The following AAGAB variants were observed in gnomAD, a reference collection of about 807,000 sequenced individuals.
AAGAB encodes the protein alpha and gamma adaptin binding protein.
AAGAB carries 38 observed loss-of-function variants against 44.1 expected under a neutral mutation model. The observed-to-expected ratio is 0.86, with a 90% confidence interval of 0.67 to 1.13. AAGAB has a LOEUF of 1.13. Among genes scored for constraint, AAGAB ranks in the 50% most tolerant of loss-of-function variants. AAGAB has a pLI of 0.00. For synonymous variants in AAGAB, 131 were observed against 131.8 expected, an observed-to-expected ratio of 0.99 and a Z score of 0.04; for missense variants, 450 against 373.8, an observed-to-expected ratio of 1.20 and a Z score of -1.68.
At chr15:67,218,784 G>T (rs1177971559) in intron 5 of AAGAB, among the ~76,000 whole-genome samples, 1 of 152,200 alleles carries the variant, frequency 6.6e-6, no homozygotes, top group Admixed American at 6.5e-5. Context: ...CCAAATGGAT[G>T]ATTTCCACAG....
Position 67,202,793 on chromosome 15 carries a change from T to C in AAGAB, c.*28A>G. 6.2e-7 allele frequency: 1 copy of C among 1,608,750 alleles called. No homozygotes were observed. The highest frequency in any genetic ancestry group is 8.5e-7 in the Non-Finnish European group (1 of 1,175,128). On this transcript the variant is annotated 3_prime_UTR_variant, in exon 10 of 10. Transcript: ENST00000261880. ...GGTATCTCAGAGACAGCTAGCATCTTTGTTGGTCAAACCCTAGTATGAATA... is the reference window on the plus strand; with the variant it reads ...GGTATCTCAGAGACAGCTAGCATCTCTGTTGGTCAAACCCTAGTATGAATA...
At chr15:67,222,242 GCACACACACACACACACACACA>G (rs370826027) in intron 5 of AAGAB, among the ~76,000 whole-genome samples, 69 of 90,128 alleles carry the variant, frequency 7.7e-4, no homozygotes, top group African/African-American at 2.4e-3. Context: ...GCGCGCGCGC[GCACACACACACACACACACACA>G]CACACACACA....
At chr15:67,254,334 T>C (rs1044624417) in intron 1 of AAGAB, 6 of 1,288,546 alleles carry the variant, frequency 4.7e-6, no homozygotes, top group Non-Finnish European at 6.1e-6. Context: ...TCAGTCTCAC[T>C]TTACACAGGA....
intron 5 of AAGAB, among the ~76,000 whole-genome samples, chr15:67,222,241 C>T (rs1048105175): frequency 9.5e-5 from 5 of 52,734 alleles, no homozygotes; most frequent in East Asian, 4.7e-4. Flanking sequence ...CGCGCGCGCG[C>T]GCACACACAC....
chr15:67,227,546 A>T (rs1279389420), intron 5 of AAGAB, among the ~76,000 whole-genome samples: 1 of 152,194 alleles, frequency 6.6e-6, no homozygotes, highest in African/African-American at 2.4e-5. Context: ...AAGAAAAAAG[A>T]GTAGGAAAAA....
chr15:67,254,580 A>G lies in AAGAB; in HGVS notation c.52T>C (p.Ser18Pro). ...TCACGTTGGACCAGCTGGTCTCCTGAGAAGACGGAGGAGCAGCTGGTGACT... is the reference window on the plus strand; with the variant it reads ...TCACGTTGGACCAGCTGGTCTCCTGGGAAGACGGAGGAGCAGCTGGTGACT... ...ALVTSCSSVF[S>P]GDQLVQHILG... is the part of the protein sequence containing the mutation. Residue 18 changes from serine to proline, a missense_variant, in exon 1 of 10, where the codon TCA becomes CCA. Transcript: ENST00000261880. 6.2e-7 allele frequency: 1 copy of G among 1,610,028 alleles called. No individual in the cohort carries two copies. Among genetic ancestry groups the G allele is most frequent in the Non-Finnish European group, 8.5e-7 (1 of 1,179,098 alleles).
chr15:67,247,626 G>A (rs1461372257), intron 1 of AAGAB, among the ~76,000 whole-genome samples: 3 of 151,882 alleles, frequency 2.0e-5, no homozygotes, highest in Non-Finnish European at 2.9e-5. Context: ...CCTCATTTAC[G>A]GTATGCCATT....
intron 5 of AAGAB, among the ~76,000 whole-genome samples, chr15:67,229,915 C>T (rs1349835981): frequency 2.0e-5 from 3 of 152,030 alleles, no homozygotes; most frequent in Non-Finnish European, 4.4e-5. Flanking sequence ...GGCGCGATCT[C>T]GGCTCACTGC....
intron 1 of AAGAB, among the ~76,000 whole-genome samples, chr15:67,245,878 G>C (rs1198305895): frequency 6.6e-6 from 1 of 152,080 alleles, no homozygotes; most frequent in Non-Finnish European, 1.5e-5. Flanking sequence ...AATTCAGACA[G>C]AACAGCCACC....
chr15:67,253,245 C>G (rs1380075048), intron 1 of AAGAB, among the ~76,000 whole-genome samples: 2 of 126,966 alleles, frequency 1.6e-5, no homozygotes, highest in East Asian at 4.6e-4. Context: ...GGCAACATGG[C>G]CAAACCCCGT....
rs561996344 is a variant in AAGAB at position 67,217,758 on chromosome 15, G to A, written c.536-8214C>T. On this transcript the variant is annotated intron_variant, in intron 5 of 9. Coordinates refer to ENST00000261880, the MANE Select transcript of AAGAB (RefSeq NM_024666.5). ...TCACCATGTTGGCCAGGCTGGTCTC[G>A]AACTCCTGACCTCGTGATCCACCCG... 9.9e-5 allele frequency among the ~76,000 whole-genome samples: 15 copies of A among 152,126 alleles called. No homozygotes were observed. In the South Asian group the frequency reaches 1.2e-3, roughly 13 times the overall value.
chr15:67,254,254 G>T (rs1054493314), intron 1 of AAGAB: 1 of 441,892 alleles, frequency 2.3e-6, no homozygotes, highest in Non-Finnish European at 3.7e-6. Flanking sequence ...CGCAATTTCC[G>T]GAGAGCCTTC....
intron 5 of AAGAB, among the ~76,000 whole-genome samples, chr15:67,209,835 T>C (rs1015030899): frequency 6.6e-6 from 1 of 152,010 alleles, no homozygotes; most frequent in Non-Finnish European, 1.5e-5. Flanking sequence ...TTTAAAATTA[T>C]TTCTTGTTTT....
rs183570618 is a variant in AAGAB, at chr15:67,235,966, C to T, written c.451+13G>A. 179 of 1,577,178 alleles carry T rather than the reference C, an allele frequency of 1.1e-4. 1 individual carries two copies. In the East Asian group the frequency reaches 3.1e-3, roughly 27 times the overall value. Reference sequence around the variant, plus strand: ...CTAAGTGCCATATTTTCTCCTAACACATAAACACTTACCATCCTCCTCAGG... The same window carrying T: ...CTAAGTGCCATATTTTCTCCTAACATATAAACACTTACCATCCTCCTCAGG... On this transcript the variant is annotated intron_variant, in intron 4 of 9. Coordinates refer to ENST00000261880, the MANE Select transcript of AAGAB (RefSeq NM_024666.5).
intron 5 of AAGAB, among the ~76,000 whole-genome samples, chr15:67,211,884 T>A (rs976844758): frequency 2.5e-5 from 3 of 118,776 alleles, no homozygotes; most frequent in African/African-American, 8.7e-5. Context: ...AATGCCTAAT[T>A]CTTTTTTTTT....
chr15:67,204,357 T>C lies in AAGAB; in HGVS notation c.716-209A>G, dbSNP rs547652377. Among the ~76,000 whole-genome samples the C allele has an allele frequency of 3.9e-5, 6 of 152,262 alleles. No individual in the cohort carries two copies. The East Asian group carries it at 9.7e-4, about 24-fold the overall frequency. ...CTATTTTATCCTCACAACATCGTCA[T>C]GAGGTAAGGAGTACTATTTCCATTT... is the stretch of plus-strand genomic sequence containing the variant. On this transcript the variant is annotated intron_variant, in intron 7 of 9. Transcript: ENST00000261880.
At position 67,201,808 on chromosome 15, in the gene AAGAB, G is replaced by A. The variant is rs1026302883; in HGVS notation, c.*1013C>T. On this transcript the variant is annotated 3_prime_UTR_variant, in exon 10 of 10. Transcript: ENST00000261880. ...TAAAGAACAAAAGATAGTCCTCCGA[G>A]GTTACAGGCTTGGAAGGGCAGAGAG... The A allele has an allele frequency of 1.5e-4, 23 of 152,328 alleles. No homozygotes were observed. The highest frequency in any genetic ancestry group is 1.5e-3 in the Admixed American group (23 of 15,274). 9.4% of individuals were successfully genotyped at this position (152,328 alleles called of 1,614,324 possible). A position where few individuals can be genotyped will look rare whatever the true frequency, so the allele number is the denominator to read the frequency against.
chr15:67,215,970 A>C (rs1340285508), intron 5 of AAGAB, among the ~76,000 whole-genome samples: 1 of 152,198 alleles, frequency 6.6e-6, no homozygotes, highest in African/African-American at 2.4e-5. Context: ...TAGATTCAGG[A>C]AAGTGAATCT....
At chr15:67,244,131 G>A (rs931751671) in intron 1 of AAGAB, among the ~76,000 whole-genome samples, 3 of 152,218 alleles carry the variant, frequency 2.0e-5, no homozygotes, top group African/African-American at 7.2e-5. Context: ...ACATGTTTGA[G>A]ATGAATTTCC....
Sources: gnomAD v4.1 joint callset for allele counts (sites outside exome capture counted in the v4.1 genomes callset) on GRCh38, gnomAD v4.1.1 for gene constraint, MANE v1.5 for transcripts, NCBI Gene and HGNC (gene_info 2026-07-23, HGNC 2026-07-21) for gene names.